PSMA1: variants seen among roughly 807,000 people sequenced by gnomAD.
The protein encoded by PSMA1 is proteasome 20S subunit alpha 1.
In PSMA1, 3 loss-of-function variants were observed where a neutral mutation model predicts 38.4. That is an observed-to-expected ratio of 0.08 (90% CI 0.04 to 0.20). The LOEUF is 0.20. PSMA1 is among the 10% of genes least tolerant of loss of function. The pLI, the probability that PSMA1 is intolerant of heterozygous loss-of-function variation, is 1.00. For synonymous variants in PSMA1, 101 were observed against 107.1 expected (o/e 0.94, Z 0.35); for missense variants, 227 against 325.3 (o/e 0.70, Z 2.32).
At chr11:14,568,422 G>C (rs1374127129) in intron 2 of PSMA1, among the ~76,000 whole-genome samples, 1 of 152,214 alleles carries the variant, frequency 6.6e-6, no homozygotes, top group Non-Finnish European at 1.5e-5. Context: ...CTACATTAGG[G>C]CTGGGATAGT....
chr11:14,506,429 A>AT (rs1303084021), intron 9 of PSMA1, among the ~76,000 whole-genome samples: 5 of 152,118 alleles, frequency 3.3e-5, no homozygotes, highest in Non-Finnish European at 7.3e-5. Context: ...GCAAATCTTG[A>AT]TCCCCCAAAT....
At chr11:14,574,241 A>G (rs1484294771) in intron 2 of PSMA1, among the ~76,000 whole-genome samples, 2 of 152,224 alleles carry the variant, frequency 1.3e-5, no homozygotes, top group African/African-American at 2.4e-5. Flanking sequence ...GACCTTCACA[A>G]CAGCCTCTCT....
upstream of PSMA1, among the ~76,000 whole-genome samples, chr11:14,521,304 TAATAAGAATAAG>T (rs796720889): frequency 6.4e-4 from 60 of 93,370 alleles, no homozygotes; most frequent in South Asian, 1.9e-3. Flanking sequence ...GCTACAATAA[TAATAAGAATAAG>T]AATAAGAATA....
chr11:14,537,457 G>A (rs1851721773), intron 2 of PSMA1, among the ~76,000 whole-genome samples: 1 of 151,068 alleles, frequency 6.6e-6, no homozygotes, highest in South Asian at 2.1e-4. Context: ...AGGAAGAATA[G>A]ATCATATCTT....
At chr11:14,581,797 A>G (rs1382928853) in intron 2 of PSMA1, among the ~76,000 whole-genome samples, 2 of 152,202 alleles carry the variant, frequency 1.3e-5, no homozygotes, top group Non-Finnish European at 2.9e-5. Flanking sequence ...GCTTCTTTAT[A>G]TCCCTTAGCT....
exon 2 of PSMA1, chr11:14,611,114 G>A (rs559217775): frequency 1.2e-6 from 1 of 855,556 alleles, no homozygotes; most frequent in East Asian, 2.6e-5. Flanking sequence ...CTTGCTGAGA[G>A]CTGACCATGA....
At chr11:14,519,129 C>T in intron 1 of PSMA1, 88 bp from the exon 2 acceptor site, 1 of 1,102,774 alleles carries the variant, frequency 9.1e-7, no homozygotes, top group East Asian at 2.4e-5. Context: ...GCTTGTATTT[C>T]CATTCAATGT....
At chr11:14,508,084 C>A (rs1458084020) in intron 8 of PSMA1, among the ~76,000 whole-genome samples, 1 of 152,110 alleles carries the variant, frequency 6.6e-6, no homozygotes, top group Non-Finnish European at 1.5e-5. Context: ...ATCACCATAA[C>A]AAAATGGCTT....
At chr11:14,549,965 ATCT>A (rs1851868581) in intron 2 of PSMA1, among the ~76,000 whole-genome samples, 1 of 152,192 alleles carries the variant, frequency 6.6e-6, no homozygotes, top group African/African-American at 2.4e-5. Flanking sequence ...TCTCAGCCTC[ATCT>A]TCTCCTAATG....
intron 8 of PSMA1, 54 bp from the exon 9 acceptor site, chr11:14,507,820 C>A: frequency 8.5e-7 from 1 of 1,176,120 alleles, no homozygotes; most frequent in Non-Finnish European, 1.3e-6. Flanking sequence ...TGAAAAAATA[C>A]ATACGATAAA....
At position 14,526,397 on chromosome 11, in the gene PSMA1, C is replaced by T. The variant is rs763112594; in HGVS notation, c.22-7356G>A. ...GGGCTGTGCAGTCAGAATTCTTACA[C>T]AAGGACCGGGACCGCACCCTATAGC... On this transcript the variant is annotated intron_variant, in intron 2 of 10. Coordinates refer to the PSMA1 transcript ENST00000418988. Among the ~76,000 whole-genome samples, 33 of 152,158 alleles carry T rather than the reference C, an allele frequency of 2.2e-4. 1 individual carries two copies. The highest frequency in any genetic ancestry group is 3.8e-4 in the Non-Finnish European group (26 of 68,016).
chr11:14,541,078 T>C (rs931993961), intron 2 of PSMA1, among the ~76,000 whole-genome samples: 1 of 152,174 alleles, frequency 6.6e-6, no homozygotes, highest in Non-Finnish European at 1.5e-5. Context: ...CCCTAGAACT[T>C]AAAGCATAAT....
At chr11:14,505,494 G>A (rs978921005) in intron 9 of PSMA1, among the ~76,000 whole-genome samples, 1 of 151,890 alleles carries the variant, frequency 6.6e-6, no homozygotes, top group Admixed American at 6.6e-5. Flanking sequence ...AACAACAAAG[G>A]TTTAAACAGT....
At chr11:14,608,059 T>C (rs533582106) in intron 2 of PSMA1, among the ~76,000 whole-genome samples, 1 of 152,204 alleles carries the variant, frequency 6.6e-6, no homozygotes, top group African/African-American at 2.4e-5. Flanking sequence ...CCAATAATAG[T>C]GTATATAACA....
chr11:14,531,759 C>T (rs1489631389), intron 2 of PSMA1, among the ~76,000 whole-genome samples: 1 of 152,148 alleles, frequency 6.6e-6, no homozygotes, highest in African/African-American at 2.4e-5. Context: ...CAAGCCCAGC[C>T]TCCTGTATTT....
At chr11:14,568,940 A>G (rs1852105033) in intron 2 of PSMA1, among the ~76,000 whole-genome samples, 1 of 152,224 alleles carries the variant, frequency 6.6e-6, no homozygotes, top group South Asian at 2.1e-4. Context: ...GAGGCTGCAC[A>G]GAGTAGGGGG....
At chr11:14,620,000 G>A (rs924244997) in intron 1 of PSMA1, among the ~76,000 whole-genome samples, 2 of 152,032 alleles carry the variant, frequency 1.3e-5, no homozygotes, top group African/African-American at 2.4e-5. Context: ...TTTAATTCTC[G>A]TGTACCTAAC....
intron 2 of PSMA1, among the ~76,000 whole-genome samples, chr11:14,604,216 C>T (rs569279696): frequency 1.6e-4 from 24 of 152,210 alleles, no homozygotes; most frequent in Admixed American, 1.2e-3. Flanking sequence ...TATGCCACCA[C>T]GCCCGGCTAA....
intron 2 of PSMA1, among the ~76,000 whole-genome samples, chr11:14,551,634 G>C (rs1289155454): frequency 6.6e-6 from 1 of 152,130 alleles, no homozygotes; most frequent in Non-Finnish European, 1.5e-5. Context: ...AGTGTTCCCA[G>C]CTCCCCTACC....
Sources: gnomAD v4.1 joint callset for allele counts (sites outside exome capture counted in the v4.1 genomes callset) on GRCh38, gnomAD v4.1.1 for gene constraint, MANE v1.5 for transcripts, NCBI Gene and HGNC (gene_info 2026-07-23, HGNC 2026-07-21) for gene names.